The following VWA8 variants were observed in gnomAD, a reference collection of about 807,000 sequenced individuals.
VWA8 encodes the protein von Willebrand factor A domain-containing protein 8.
A neutral mutation model predicts 241.5 loss-of-function variants in VWA8; 221 were observed. The observed-to-expected ratio is 0.91, with a 90% CI of 0.82 to 1.02. VWA8 has a LOEUF of 1.02. VWA8 is among the 50% of genes least tolerant of loss of function. The probability of loss-of-function intolerance (pLI) is 0.00; values close to 1 mark genes in which losing one functional copy is unlikely to be tolerated. For missense variants in VWA8, 2,322 were observed against 2,328.7 expected (o/e 1.00, Z 0.06); for synonymous variants, 852 against 827.1 (o/e 1.03, Z -0.52).
chr13:41,736,740 T>C (rs1422614616), intron 21 of VWA8, among the ~76,000 whole-genome samples: 1 of 151,488 alleles, frequency 6.6e-6, no homozygotes, highest in Non-Finnish European at 1.5e-5. Context: ...GAAATGCCTA[T>C]AGGAATGGTC....
At chr13:41,628,190 A>T (rs919837715) in intron 37 of VWA8, among the ~76,000 whole-genome samples, 3 of 152,122 alleles carry the variant, frequency 2.0e-5, no homozygotes, top group Non-Finnish European at 2.9e-5. Context: ...AACAAAACAA[A>T]ACAAAAAAAG....
chr13:41,770,440 C>CAAAA lies in VWA8; in HGVS notation c.2349+7541_2349+7544dup, dbSNP rs35797822. Among the ~76,000 whole-genome samples, 985 of 102,374 alleles carry CAAAA rather than the reference C, an allele frequency of 9.6e-3. 10 individuals carry two copies. The highest frequency in any genetic ancestry group is 0.033 in the African/African-American group (764 of 23,226). 67.2% of individuals were successfully genotyped at this position (102,374 alleles called of 152,430 possible). A position where few individuals can be genotyped will look rare whatever the true frequency, so the allele number is the denominator to read the frequency against. On this transcript the variant is annotated intron_variant, in intron 20 of 44. Coordinates refer to ENST00000379310, the MANE Select transcript of VWA8 (RefSeq NM_015058.2). Reference sequence around the variant, plus strand: ...TGGGCGACAGAGCGAGACTCCGTTTCAAAAAAAAAAAAAAAAAGAAAAGAA... The same window carrying CAAAA: ...TGGGCGACAGAGCGAGACTCCGTTTCAAAAAAAAAAAAAAAAAAAAAGAAAAGAA...
chr13:41,773,480 G>C (rs1868423984), intron 20 of VWA8, among the ~76,000 whole-genome samples: 1 of 152,172 alleles, frequency 6.6e-6, no homozygotes, highest in African/African-American at 2.4e-5. Context: ...TCAGCACTCA[G>C]AACAGCACAG....
At chr13:41,634,726 A>G (rs2044746413) in intron 37 of VWA8, among the ~76,000 whole-genome samples, 1 of 152,122 alleles carries the variant, frequency 6.6e-6, no homozygotes. Context: ...AAACAGACTA[A>G]ATTATTTCTA....
In VWA8 at chr13:41,907,696, C is replaced by T. The variant is rs1442109682; in HGVS notation, c.373G>A (p.Glu125Lys). ...TATTCGACCTCCCGTTTGGTCAGCTCCTGTAGAGAAGAGAATGAAATTATT... is the reference window on the plus strand; with the variant it reads ...TATTCGACCTCCCGTTTGGTCAGCTTCTGTAGAGAAGAGAATGAAATTATT... Reference protein sequence around the residue: ...LRRSIAMQYLELTKREVEYIA... With the variant: ...LRRSIAMQYLKLTKREVEYIA... Residue 125 changes from glutamate (E) to lysine (K), a missense_variant and splice_region_variant, in exon 4 of 45, where the codon GAG becomes AAG. Glu to Lys is a moderately conservative substitution (Grantham distance 56). Transcript: ENST00000379310. 1 of 1,612,662 alleles carries T rather than the reference C, an allele frequency of 6.2e-7. No homozygotes were observed. The highest frequency in any genetic ancestry group is 8.5e-7 in the Non-Finnish European group (1 of 1,178,760).
At chr13:41,749,497 A>G (rs2045636940) in intron 21 of VWA8, among the ~76,000 whole-genome samples, 1 of 152,188 alleles carries the variant, frequency 6.6e-6, no homozygotes, top group South Asian at 2.1e-4. Flanking sequence ...CAGCCATCCC[A>G]TTACTGGGTA....
At chr13:41,764,385 G>A (rs1471383011) in intron 20 of VWA8, among the ~76,000 whole-genome samples, 1 of 151,704 alleles carries the variant, frequency 6.6e-6, no homozygotes, top group Non-Finnish European at 1.5e-5. Context: ...AATTATTTGA[G>A]CACCTAATAT....
rs780913384 is a variant in VWA8 at position 41,727,326 on chromosome 13, ATTTG to A, written c.2639-17_2639-14del. The A allele has an allele frequency of 7.0e-6, 10 of 1,434,692 alleles. No homozygotes were observed. The Admixed American group carries it at 7.8e-5, about 11-fold the overall frequency. 88.9% of individuals were successfully genotyped at this position (1,434,692 alleles called of 1,614,324 possible). A position where few individuals can be genotyped will look rare whatever the true frequency, so the allele number is the denominator to read the frequency against. ...ACATTAGCAGAATCTGAAAAACAAA[ATTTG>A]TTTATTCTTTATCAATATTTAATAA... On this transcript the variant is annotated splice_polypyrimidine_tract_variant and intron_variant, in intron 23 of 44. Coordinates refer to ENST00000379310, the MANE Select transcript of VWA8 (RefSeq NM_015058.2).
intron 12 of VWA8, among the ~76,000 whole-genome samples, chr13:41,838,067 G>A (rs1593806405): frequency 6.6e-6 from 1 of 152,190 alleles, no homozygotes; most frequent in East Asian, 1.9e-4. Context: ...TTGTAACTGA[G>A]AAACTCTACT....
At position 41,699,357 on chromosome 13, in the gene VWA8, A is replaced by G. The variant is rs1033973898; in HGVS notation, c.3365-87T>C. On this transcript the variant is annotated intron_variant, in intron 28 of 44. Coordinates refer to ENST00000379310, the MANE Select transcript of VWA8 (RefSeq NM_015058.2). ...GTCTAGTGAAAACTGAATCATGAAT[A>G]CACAGCTGGAACAGAGTTGGAACTC... The G allele has an allele frequency of 3.4e-5, 43 of 1,258,546 alleles. No individual in the cohort carries two copies. The South Asian group carries it at 3.6e-4, about 11-fold the overall frequency. 78.0% of individuals were successfully genotyped at this position (1,258,546 alleles called of 1,614,324 possible).
chr13:41,590,788 C>T (rs767058801), intron 40 of VWA8, 23 bp from the exon 41 acceptor site: 5 of 1,612,302 alleles, frequency 3.1e-6, no homozygotes. Flanking sequence ...CACATACACA[C>T]ACAAAGCCTT....
chr13:41,611,890 G>T (rs551849432), intron 38 of VWA8, among the ~76,000 whole-genome samples, 158 bp from the exon 39 acceptor site: 122 of 152,238 alleles, frequency 8.0e-4, no homozygotes, highest in Non-Finnish European at 1.5e-3. Flanking sequence ...GTATTCTCTT[G>T]TTTAGGATGC....
chr13:41,654,072 C>A (rs1443304499), intron 37 of VWA8, among the ~76,000 whole-genome samples: 1 of 152,074 alleles, frequency 6.6e-6, no homozygotes, highest in Non-Finnish European at 1.5e-5. Context: ...CAAACACACA[C>A]ACAAAGGGAG....
At chr13:41,636,972 G>A (rs535682533) in intron 37 of VWA8, among the ~76,000 whole-genome samples, 283 of 151,364 alleles carry the variant, frequency 1.9e-3, no homozygotes, top group African/African-American at 6.4e-3. Context: ...TGGTGGGACT[G>A]TAAACTAGTT....
At chr13:41,695,096 C>T (rs938594528) in intron 29 of VWA8, among the ~76,000 whole-genome samples, 1 of 152,114 alleles carries the variant, frequency 6.6e-6, no homozygotes, top group African/African-American at 2.4e-5. Context: ...GTAACTGTGG[C>T]TTTGGCACTC....
intron 14 of VWA8, among the ~76,000 whole-genome samples, chr13:41,822,265 T>C (rs1445325599): frequency 1.3e-5 from 2 of 152,174 alleles, no homozygotes; most frequent in African/African-American, 2.4e-5. Context: ...AATTTGTACA[T>C]TGGGGAACTT....
At chr13:41,862,522 G>A (rs1873050941) in intron 12 of VWA8, among the ~76,000 whole-genome samples, 1 of 152,110 alleles carries the variant, frequency 6.6e-6, no homozygotes, top group African/African-American at 2.4e-5. Flanking sequence ...TCCAGAATGG[G>A]AGAAAATATT....
rs56702420 is a variant in VWA8 at position 41,649,050 on chromosome 13, G to A, written c.4611+21896C>T. ...AATCCAAAAAGTAGCTGGGCGTGGT[G>A]GGGGGGTGCCTGTAATCCCAGCTAC... On this transcript the variant is annotated intron_variant, in intron 37 of 44. Coordinates refer to ENST00000379310, the MANE Select transcript of VWA8 (RefSeq NM_015058.2). Among the ~76,000 whole-genome samples the A allele has an allele frequency of 7.3e-3, 1,018 of 140,138 alleles. 7 individuals are homozygous for A. Among genetic ancestry groups the A allele is most frequent in the Middle Eastern group, 0.03 (8 of 264 alleles). 91.9% of individuals were successfully genotyped at this position (140,138 alleles called of 152,430 possible). A position where few individuals can be genotyped will look rare whatever the true frequency, so the allele number is the denominator to read the frequency against.
At chr13:41,653,452 A>C (rs2044881620) in intron 37 of VWA8, among the ~76,000 whole-genome samples, 1 of 152,254 alleles carries the variant, frequency 6.6e-6, no homozygotes, top group South Asian at 2.1e-4. Flanking sequence ...CATGGATAGG[A>C]AGAATCAGTA....
Sources: allele counts gnomAD v4.1 joint callset (sites outside exome capture counted in the v4.1 genomes callset), GRCh38; gene constraint gnomAD v4.1.1; transcripts MANE v1.5; gene names NCBI Gene and HGNC (gene_info 2026-07-23, HGNC 2026-07-21).